ATP8B1: variants seen among roughly 807,000 people sequenced by gnomAD.
The protein encoded by ATP8B1 is ATPase phospholipid transporting 8B1.
Under a neutral mutation model 149.9 loss-of-function variants are expected in ATP8B1, and 80 were observed. The observed-to-expected ratio is 0.53, with a 90% confidence interval of 0.45 to 0.64. The LOEUF (loss-of-function observed/expected upper bound fraction) is 0.64, where lower values mean the gene tolerates loss of function less well. Ranked by LOEUF, ATP8B1 falls within the 30% of genes least tolerant of loss-of-function variation. The pLI is 0.00. For synonymous variants in ATP8B1, 536 were observed against 562.8 expected (o/e 0.95, Z 0.67); for missense variants, 1,247 against 1,552.6 (o/e 0.80, Z 3.31).
At chr18:57,682,530 C>T (rs912887209) in intron 15 of ATP8B1, among the ~76,000 whole-genome samples, 6 of 152,152 alleles carry the variant, frequency 3.9e-5, no homozygotes, top group African/African-American at 1.4e-4. Flanking sequence ...GAGAAGAGTA[C>T]AATAATTGTG....
intron 1 of ATP8B1, among the ~76,000 whole-genome samples, chr18:57,797,703 CT>C (rs59261353): frequency 0.19 from 18,530 of 95,942 alleles, 837 homozygotes; most frequent in Middle Eastern, 0.25. Context: ...TTCTTTCTTT[CT>C]TTTTTTTTTT....
chr18:57,774,633 C>T (rs1302833964), intron 1 of ATP8B1, among the ~76,000 whole-genome samples: 3 of 152,118 alleles, frequency 2.0e-5, no homozygotes, highest in African/African-American at 7.2e-5. Context: ...ATAATCTCTT[C>T]TAACCGGAAT....
At chr18:57,651,875 C>T (rs1029294369) in intron 26 of ATP8B1, among the ~76,000 whole-genome samples, 159 bp downstream of exon 26, 1 of 152,148 alleles carries the variant, frequency 6.6e-6, no homozygotes, top group African/African-American at 2.4e-5. Context: ...CTCAAGCAAT[C>T]CACTTGCCTC....
intron 15 of ATP8B1, among the ~76,000 whole-genome samples, chr18:57,681,202 T>A (rs1477704904): frequency 6.6e-6 from 1 of 152,066 alleles, no homozygotes; most frequent in Non-Finnish European, 1.5e-5. Context: ...GAAGGTGAAG[T>A]GGACCAGCTG....
At chr18:57,672,935 ATG>A (rs1323469859) in intron 16 of ATP8B1, among the ~76,000 whole-genome samples, 5,962 of 82,224 alleles carry the variant, frequency 0.073, 637 homozygotes, top group Middle Eastern at 0.14. Context: ...TATATATAAC[ATG>A]TATATACACA....
intron 1 of ATP8B1, among the ~76,000 whole-genome samples, chr18:57,745,061 C>G (rs1336246154): frequency 1.3e-5 from 2 of 152,166 alleles, no homozygotes; most frequent in Non-Finnish European, 2.9e-5. Context: ...CCATTTTATG[C>G]CTATTCAGTT....
chr18:57,732,243 A>ATATATGTGTATATG (rs2079786149), intron 1 of ATP8B1, among the ~76,000 whole-genome samples: 1 of 10,202 alleles, frequency 9.8e-5, no homozygotes, highest in African/African-American at 2.6e-4. Flanking sequence ...GTGTATATAT[A>ATATATGTGTATATG]TGTATATATG....
chr18:57,695,527 G>T lies in ATP8B1; in HGVS notation c.704C>A (p.Thr235Asn). ...AAGTGACATCTTAAATTTTAAATTGGTTTCTCTAAAGGAATGGGGAAAAAA... is the reference window on the plus strand; with the variant it reads ...AAGTGACATCTTAAATTTTAAATTGTTTTCTCTAAAGGAATGGGGAAAAAA... The part of the protein sequence containing the change: ...YVETAELDGE[T>N]NLKFKMSLEI... Residue 235 changes from threonine to asparagine, a missense_variant, in exon 9 of 28, where the codon ACC becomes AAC. Transcript: ENST00000648908. 1 of 1,609,432 alleles carries T rather than the reference G, an allele frequency of 6.2e-7. No individual in the cohort carries two copies. The highest frequency in any genetic ancestry group is 8.5e-7 in the Non-Finnish European group (1 of 1,176,034).
At chr18:57,757,518 C>T (rs1005347217) in intron 1 of ATP8B1, among the ~76,000 whole-genome samples, 1 of 152,126 alleles carries the variant, frequency 6.6e-6, no homozygotes, top group Non-Finnish European at 1.5e-5. Flanking sequence ...CACACACACA[C>T]ATACATATAC....
intron 15 of ATP8B1, among the ~76,000 whole-genome samples, chr18:57,679,410 A>C (rs1056263147): frequency 9.8e-5 from 15 of 152,312 alleles, no homozygotes; most frequent in Admixed American, 2.6e-4. Context: ...ACAAACTAAA[A>C]AAACAAACAA....
rs374952350 is a variant in ATP8B1 at position 57,685,081 on chromosome 18, G to A, written c.1464C>T (p.Asn488=). The change falls in exon 14 of 28, where the codon AAC becomes AAT. Residue 488 remains asparagine (N), a synonymous_variant. Coordinates refer to ENST00000648908, the MANE Select transcript of ATP8B1 (RefSeq NM_001374385.1). The stretch of plus-strand genomic sequence containing the variant: ...GGCTTAAAGGTCTTACCTCTATTTT[G>A]TTGTGGTTGTGTTGAGAGGCATCCC... ...DHRDASQHNH[N]KIEQVDFSWN... is the part of the protein sequence containing the mutation. The A allele has an allele frequency of 1.9e-5, 31 of 1,614,038 alleles. No homozygotes were observed. Among genetic ancestry groups the A allele is most frequent in the Admixed American group, 1.5e-4 (9 of 60,002 alleles).
At chr18:57,655,567 C>T (rs1599072296) in intron 22 of ATP8B1, 150 bp from the exon 23 acceptor site, 2 of 756,660 alleles carry the variant, frequency 2.6e-6, no homozygotes, top group East Asian at 2.7e-5. Flanking sequence ...ATCCCTCACC[C>T]CCAGCTCTTG....
At chr18:57,781,661 CACAG>C (rs2123417815) in intron 1 of ATP8B1, among the ~76,000 whole-genome samples, 1 of 152,332 alleles carries the variant, frequency 6.6e-6, no homozygotes, top group African/African-American at 2.4e-5. Context: ...TAAATCCTAA[CACAG>C]ACTGTTACAG....
At chr18:57,715,537 G>A (rs1405642191) in intron 2 of ATP8B1, among the ~76,000 whole-genome samples, 1 of 152,084 alleles carries the variant, frequency 6.6e-6, no homozygotes, top group African/African-American at 2.4e-5. Flanking sequence ...ACACCAAGCA[G>A]ATTAACCCAA....
rs1382817062 is a variant in ATP8B1 at position 57,647,108 on chromosome 18, C to T, written c.*1380G>A. The stretch of plus-strand genomic sequence containing the variant: ...TTCAAGTCCCTGATAAAATACTTTG[C>T]ATATAGGCAGGCACAAAAGTTTGCT... On this transcript the variant is annotated 3_prime_UTR_variant, in exon 28 of 28. Coordinates refer to ENST00000648908, the MANE Select transcript of ATP8B1 (RefSeq NM_001374385.1). The T allele has an allele frequency of 8.5e-5, 13 of 152,160 alleles. No individual in the cohort carries two copies. The highest frequency in any genetic ancestry group is 7.9e-4 in the Admixed American group (12 of 15,262). The allele number at this position is 152,160 out of a possible 1,614,324, so 9.4% of individuals were successfully genotyped here.
chr18:57,676,426 A>G (rs1297952256), intron 15 of ATP8B1, among the ~76,000 whole-genome samples: 1 of 152,088 alleles, frequency 6.6e-6, no homozygotes, highest in African/African-American at 2.4e-5. Flanking sequence ...AAAAAGAAAA[A>G]AAAACCACAC....
intron 12 of ATP8B1, 22 bp downstream of exon 12, chr18:57,691,785 A>G (rs1287646668): frequency 6.2e-7 from 1 of 1,613,458 alleles, no homozygotes; most frequent in African/African-American, 1.3e-5. Context: ...TTAAAGCAAA[A>G]TGCCAGAGAG....
intron 17 of ATP8B1, among the ~76,000 whole-genome samples, chr18:57,670,067 C>T (rs1283782410): frequency 1.3e-5 from 2 of 152,192 alleles, no homozygotes; most frequent in East Asian, 1.9e-4. Context: ...CTCATTTTCT[C>T]ATTTTCTCTT....
chr18:57,652,234 T>C, intron 25 of ATP8B1, 62 bp from the exon 26 acceptor site: 1 of 1,599,066 alleles, frequency 6.3e-7, no homozygotes, highest in South Asian at 1.1e-5. Flanking sequence ...AAATAAAGGA[T>C]CTAACAATCC....
Sources: allele counts gnomAD v4.1 joint callset (sites outside exome capture counted in the v4.1 genomes callset), GRCh38; gene constraint gnomAD v4.1.1; transcripts MANE v1.5; gene names NCBI Gene and HGNC (gene_info 2026-07-23, HGNC 2026-07-21).